Variants in DOK5 observed in about 807,000 individuals in gnomAD.
The protein encoded by DOK5 is downstream of tyrosine kinase 5.
A neutral mutation model predicts 43.3 loss-of-function variants in DOK5; 27 were observed. That is an observed-to-expected ratio of 0.62 (90% confidence interval 0.46 to 0.86). The LOEUF is 0.86. DOK5 is among the 40% of genes least tolerant of loss of function. The pLI, the probability that DOK5 is intolerant of heterozygous loss-of-function variation, is 0.00. For missense variants in DOK5, 373 were observed against 392.9 expected, an observed-to-expected ratio of 0.95 and a Z score of 0.43; for synonymous variants, 146 against 140.1, an observed-to-expected ratio of 1.04 and a Z score of -0.30.
intron 6 of DOK5, among the ~76,000 whole-genome samples, chr20:54,614,349 G>A (rs1282132059): frequency 6.6e-6 from 1 of 152,122 alleles, no homozygotes; most frequent in East Asian, 1.9e-4. Flanking sequence ...CAGAGGGAGG[G>A]GAATGCGAGA....
At chr20:54,637,983 G>A (rs778395961) in intron 6 of DOK5, among the ~76,000 whole-genome samples, 5 of 152,136 alleles carry the variant, frequency 3.3e-5, no homozygotes, top group African/African-American at 9.7e-5. Flanking sequence ...TCAGCCAGGC[G>A]TGGTGGCGGG....
At chr20:54,565,629 C>T (rs757094210) in intron 2 of DOK5, among the ~76,000 whole-genome samples, 5 of 152,150 alleles carry the variant, frequency 3.3e-5, no homozygotes, top group Non-Finnish European at 7.3e-5. Flanking sequence ...AAAACATAAT[C>T]TACATGTATA....
intron 5 of DOK5, among the ~76,000 whole-genome samples, chr20:54,596,429 A>G (rs945844493): frequency 6.6e-6 from 1 of 152,224 alleles, no homozygotes; most frequent in African/African-American, 2.4e-5. Context: ...GCTCATGTTC[A>G]GCCTCTCTCT....
At chr20:54,503,576 C>T (rs1982692099) in intron 1 of DOK5, among the ~76,000 whole-genome samples, 1 of 152,038 alleles carries the variant, frequency 6.6e-6, no homozygotes, top group African/African-American at 2.4e-5. Flanking sequence ...TACTACTTCA[C>T]TAAAATAATT....
At position 54,540,591 on chromosome 20, in the gene DOK5, T is replaced by G. The variant is rs745623486; in HGVS notation, c.67-14342T>G. ...AGTGCAGTGCATGAGCATGACTCAC[T>G]GCAGCCTCAACCTCCTGGGATCAAT... On this transcript the variant is annotated intron_variant, in intron 1 of 7. Transcript: ENST00000262593. Among the ~76,000 whole-genome samples, 6 of 152,140 alleles carry G rather than the reference T, an allele frequency of 3.9e-5. No individual in the cohort carries two copies. The East Asian group carries it at 1.2e-3, about 29-fold the overall frequency.
intron 2 of DOK5, among the ~76,000 whole-genome samples, chr20:54,573,109 A>T (rs980638024): frequency 6.6e-6 from 1 of 152,214 alleles, no homozygotes; most frequent in African/African-American, 2.4e-5. Context: ...AATGCCAAAG[A>T]GAAAATTAAA....
chr20:54,604,804 C>G (rs984639234), intron 5 of DOK5, among the ~76,000 whole-genome samples: 18 of 152,006 alleles, frequency 1.2e-4, no homozygotes, highest in Admixed American at 9.8e-4. Context: ...AGTTCGAGAC[C>G]AGCCTGGCCA....
chr20:54,643,287 GT>G (rs1344326193), intron 6 of DOK5, among the ~76,000 whole-genome samples, 170 bp from the exon 7 acceptor site: 2 of 152,210 alleles, frequency 1.3e-5, no homozygotes, highest in African/African-American at 4.8e-5. Flanking sequence ...ATGGTGCTAA[GT>G]AAGCAAAAAC....
chr20:54,515,097 G>A lies in DOK5; in HGVS notation c.66+39085G>A, dbSNP rs368080265. On this transcript the variant is annotated intron_variant, in intron 1 of 7. Transcript: ENST00000262593. Reference sequence around the variant, plus strand: ...GCGATCTTGACTCACTGTAATCTCCGCCTCCCAGGTTCAAGCAATTCTCCT... The same window carrying A: ...GCGATCTTGACTCACTGTAATCTCCACCTCCCAGGTTCAAGCAATTCTCCT... Among the ~76,000 whole-genome samples the A allele has an allele frequency of 3.3e-4, 50 of 151,704 alleles. No homozygotes were observed. The East Asian group carries it at 5.0e-3, about 15-fold the overall frequency.
chr20:54,615,061 A>G (rs995794710), intron 6 of DOK5, among the ~76,000 whole-genome samples: 2 of 152,242 alleles, frequency 1.3e-5, no homozygotes, highest in African/African-American at 4.8e-5. Flanking sequence ...ATATCTGGCC[A>G]TAGCCTCACT....
intron 1 of DOK5, among the ~76,000 whole-genome samples, chr20:54,482,566 G>A (rs1488221755): frequency 1.3e-5 from 2 of 151,948 alleles, no homozygotes; most frequent in Non-Finnish European, 2.9e-5. Context: ...TGTGATCTCG[G>A]CTCACTTGCA....
chr20:54,480,909 C>CTATCTATCTATCTATA (rs1981644021), intron 1 of DOK5, among the ~76,000 whole-genome samples: 1 of 143,862 alleles, frequency 7.0e-6, no homozygotes, highest in Admixed American at 6.8e-5. Flanking sequence ...CTCCATCTAT[C>CTATCTATCTATCTATA]TATCTATCTA....
intron 1 of DOK5, among the ~76,000 whole-genome samples, chr20:54,493,767 G>T (rs6023292): frequency 1.3e-5 from 2 of 151,654 alleles, no homozygotes; most frequent in Non-Finnish European, 2.9e-5. Flanking sequence ...CGAGACCCTC[G>T]TCTCTACAAA....
At chr20:54,536,302 T>C (rs755042381) in intron 1 of DOK5, among the ~76,000 whole-genome samples, 1 of 152,196 alleles carries the variant, frequency 6.6e-6, no homozygotes, top group South Asian at 2.1e-4. Context: ...ACTGCCATAA[T>C]CTTTGCTTTG....
intron 6 of DOK5, among the ~76,000 whole-genome samples, chr20:54,642,953 C>T (rs549045505): frequency 1.3e-5 from 2 of 152,298 alleles, no homozygotes; most frequent in South Asian, 2.1e-4. Context: ...CATCTCCAGC[C>T]TCTTAACAAC....
intron 4 of DOK5, 46 bp from the exon 5 acceptor site, chr20:54,591,570 G>A: frequency 2.1e-6 from 3 of 1,437,172 alleles, no homozygotes; most frequent in Non-Finnish European, 2.8e-6. Flanking sequence ...TGTCTTTGAT[G>A]TTTTATTCCT....
At chr20:54,544,798 G>A (rs1984281965) in intron 1 of DOK5, among the ~76,000 whole-genome samples, 1 of 152,128 alleles carries the variant, frequency 6.6e-6, no homozygotes, top group Admixed American at 6.5e-5. Context: ...ATAGGTCTGG[G>A]TGGGGCTATT....
chr20:54,511,072 C>A (rs1314237454), intron 1 of DOK5, among the ~76,000 whole-genome samples: 1 of 152,162 alleles, frequency 6.6e-6, no homozygotes, highest in African/African-American at 2.4e-5. Context: ...TTTTATTAAG[C>A]TTTACCTTGA....
chr20:54,496,855 TG>T (rs1421713639), intron 1 of DOK5, among the ~76,000 whole-genome samples: 1 of 152,090 alleles, frequency 6.6e-6, no homozygotes, highest in Non-Finnish European at 1.5e-5. Context: ...TCTCCAATTC[TG>T]TACTTTACAG....
Sources: allele counts gnomAD v4.1 joint callset (sites outside exome capture counted in the v4.1 genomes callset), GRCh38; gene constraint gnomAD v4.1.1; transcripts MANE v1.5; gene names NCBI Gene and HGNC (gene_info 2026-07-23, HGNC 2026-07-21).